BIVM: variants seen among roughly 807,000 people sequenced by gnomAD.
BIVM encodes the protein basic, immunoglobulin-like variable motif containing.
BIVM carries 31 observed loss-of-function variants against 61.4 expected under a neutral mutation model. The observed-to-expected ratio is 0.51, with a 90% CI of 0.38 to 0.68. The LOEUF (loss-of-function observed/expected upper bound fraction) is 0.68. Ranked by LOEUF, BIVM falls within the 30% of genes least tolerant of loss-of-function variation. BIVM has a pLI of 0.00. For missense variants in BIVM, 526 were observed against 596.0 expected (o/e 0.88, Z 1.22); for synonymous variants, 189 against 210.7 (o/e 0.90, Z 0.89).
intron 8 of BIVM, 74 bp downstream of exon 8, chr13:102,831,771 T>TGTAATCCTAG (rs2140493274): frequency 1.3e-6 from 2 of 1,541,090 alleles, no homozygotes; most frequent in Non-Finnish European, 8.8e-7. Flanking sequence ...AGCTCACGCC[T>TGTAATCCTAG]GTAATCCTAG....
chr13:102,817,716 CCTT>C (rs1212620392), intron 4 of BIVM, among the ~76,000 whole-genome samples: 1 of 151,492 alleles, frequency 6.6e-6, no homozygotes, highest in Non-Finnish European at 1.5e-5. Flanking sequence ...TATTACCCAG[CCTT>C]CTTCTGTAGC....
chr13:102,829,956 G>C (rs1163903564), intron 7 of BIVM, among the ~76,000 whole-genome samples: 1 of 152,026 alleles, frequency 6.6e-6, no homozygotes, highest in African/African-American at 2.4e-5. Context: ...CCCACAGTAG[G>C]CTCCTCTATA....
At chr13:102,822,987 G>T (rs920957288) in intron 7 of BIVM, among the ~76,000 whole-genome samples, 3 of 152,112 alleles carry the variant, frequency 2.0e-5, no homozygotes, top group Admixed American at 1.3e-4. Context: ...GAGGGTCAAG[G>T]GTATGGGGAT....
intron 4 of BIVM, among the ~76,000 whole-genome samples, chr13:102,818,120 T>C (rs558415969): frequency 1.4e-4 from 22 of 152,126 alleles, no homozygotes; most frequent in Non-Finnish European, 3.1e-4. Context: ...GGAGGAAATA[T>C]GAAGGGTTGG....
intron 4 of BIVM, among the ~76,000 whole-genome samples, chr13:102,820,045 C>G (rs1228786007): frequency 3.9e-5 from 6 of 151,978 alleles, no homozygotes; most frequent in Admixed American, 1.3e-4. Flanking sequence ...TATCTCCCCC[C>G]ACAACCACGC....
At chr13:102,825,566 C>T (rs572814228) in intron 7 of BIVM, among the ~76,000 whole-genome samples, 129 of 152,302 alleles carry the variant, frequency 8.5e-4, no homozygotes, top group Middle Eastern at 3.4e-3. Context: ...GACTGGCTTT[C>T]GAATATCCTG....
chr13:102,826,161 C>G (rs998155084), intron 7 of BIVM, among the ~76,000 whole-genome samples: 1 of 152,146 alleles, frequency 6.6e-6, no homozygotes, highest in African/African-American at 2.4e-5. Context: ...TGCAAGAGCT[C>G]TCTCTTGTGA....
intron 7 of BIVM, among the ~76,000 whole-genome samples, chr13:102,825,270 A>G (rs1336019381): frequency 6.6e-6 from 1 of 151,400 alleles, no homozygotes; most frequent in Non-Finnish European, 1.5e-5. Context: ...ATTTTTTTCA[A>G]TTAAATTTTT....
At chr13:102,826,313 C>T (rs1389059833) in intron 7 of BIVM, among the ~76,000 whole-genome samples, 1 of 152,192 alleles carries the variant, frequency 6.6e-6, no homozygotes, top group Admixed American at 6.5e-5. Context: ...CCATCAGAAC[C>T]CAGTGCGTCC....
intron 3 of BIVM, among the ~76,000 whole-genome samples, chr13:102,816,195 T>C (rs1879857270): frequency 6.6e-6 from 1 of 152,240 alleles, no homozygotes; most frequent in Non-Finnish European, 1.5e-5. Context: ...GTTTTTATTA[T>C]TTCTCTTTAA....
At chr13:102,809,570 T>C (rs9582634) in intron 3 of BIVM, among the ~76,000 whole-genome samples, 38,358 of 152,146 alleles carry the variant, frequency 0.25, 5,779 homozygotes, top group African/African-American at 0.42. Context: ...GTTCTATCAA[T>C]TACCAAAAGA....
Position 102,807,781 on chromosome 13 carries a change from A to G in BIVM, c.478+36A>G. 6.4e-7 allele frequency: 1 copy of G among 1,553,452 alleles called. No homozygotes were observed. Among genetic ancestry groups the G allele is most frequent in the Non-Finnish European group, 8.7e-7 (1 of 1,150,972 alleles). Reference sequence around the variant, plus strand: ...AGCCATGAAGTTCATATGTGAAAATAATGAGAAAACAAACACTATGTCTTG... The same window carrying G: ...AGCCATGAAGTTCATATGTGAAAATGATGAGAAAACAAACACTATGTCTTG... On this transcript the variant is annotated intron_variant, in intron 3 of 10. Coordinates refer to ENST00000257336, the MANE Select transcript of BIVM (RefSeq NM_017693.4). This position sits in a 1 kb window ranked among gnomAD's most constrained non-coding sequence, Gnocchi z 4.0.
In BIVM at chr13:102,816,151, T is replaced by A. The variant is rs1390548565; in HGVS notation, c.479-277T>A. Reference sequence around the variant, plus strand: ...GCTCTGGAATTGGAGTATAAGAACCTGACACGAAATAGGATTCATGGTTGT... The same window carrying A: ...GCTCTGGAATTGGAGTATAAGAACCAGACACGAAATAGGATTCATGGTTGT... On this transcript the variant is annotated intron_variant, in intron 3 of 10. Coordinates refer to ENST00000257336, the MANE Select transcript of BIVM (RefSeq NM_017693.4). 6.6e-5 allele frequency among the ~76,000 whole-genome samples: 10 copies of A among 152,358 alleles called. No individual in the cohort carries two copies. The East Asian group carries it at 1.9e-3, about 29-fold the overall frequency.
In BIVM at chr13:102,834,424, G is replaced by A. The variant is rs750825826; in HGVS notation, c.1035-42G>A. 6 of 1,546,290 alleles carry A rather than the reference G, an allele frequency of 3.9e-6. No individual in the cohort carries two copies. The East Asian group carries it at 1.2e-4, about 30-fold the overall frequency. ...ATATATTTGAAGCAATATACTCAAG[G>A]GAGTAACTATTAAACGTACTGTGAA... On this transcript the variant is annotated intron_variant, in intron 8 of 10. Coordinates refer to ENST00000257336, the MANE Select transcript of BIVM (RefSeq NM_017693.4).
intron 4 of BIVM, 53 bp downstream of exon 4, chr13:102,816,607 G>A (rs1879881967): frequency 1.4e-6 from 2 of 1,430,334 alleles, no homozygotes; most frequent in African/African-American, 1.5e-5. Context: ...AATATATGTT[G>A]GCAATAACGT....
chr13:102,809,136 T>C (rs750002243), intron 3 of BIVM, among the ~76,000 whole-genome samples: 1 of 152,176 alleles, frequency 6.6e-6, no homozygotes, highest in Non-Finnish European at 1.5e-5. Context: ...GATTTTAGAC[T>C]TTTCTACCAT....
At chr13:102,825,266 T>C (rs997272932) in intron 7 of BIVM, among the ~76,000 whole-genome samples, 1 of 152,138 alleles carries the variant, frequency 6.6e-6, no homozygotes, top group East Asian at 1.9e-4. Context: ...TTTAATTTTT[T>C]TCAATTAAAT....
chr13:102,804,197 G>C lies in BIVM; in HGVS notation c.-206-1110G>C, dbSNP rs533061160. Among the ~76,000 whole-genome samples the C allele has an allele frequency of 6.6e-5, 10 of 152,320 alleles. No homozygotes were observed. In the East Asian group the frequency reaches 1.9e-3, roughly 29 times the overall value. On this transcript the variant is annotated intron_variant, in intron 1 of 10. Coordinates refer to ENST00000257336, the MANE Select transcript of BIVM (RefSeq NM_017693.4). ...GATGGAGTGCAGGTCACCCAGGCTG[G>C]AGTGCAGTGGCGCGATCTTGGCTCA... is the stretch of plus-strand genomic sequence containing the variant.
At chr13:102,834,763 G>A (rs1164671148) in intron 9 of BIVM, among the ~76,000 whole-genome samples, 1 of 152,154 alleles carries the variant, frequency 6.6e-6, no homozygotes, top group South Asian at 2.1e-4. Context: ...TCTGATTTCT[G>A]TCACTACAGA....
Sources: gnomAD v4.1 joint callset for allele counts (sites outside exome capture counted in the v4.1 genomes callset) on GRCh38, gnomAD v4.1.1 for gene constraint, Gnocchi (gnomAD v3.1) non-coding constraint, MANE v1.5 for transcripts, NCBI Gene and HGNC (gene_info 2026-07-23, HGNC 2026-07-21) for gene names.